Variants in GPRC5A observed in about 807,000 individuals in gnomAD.
The protein encoded by GPRC5A is retinoic acid-induced protein 3.
A neutral mutation model predicts 22.5 loss-of-function variants in GPRC5A; 19 were observed. The observed-to-expected ratio is 0.85, with a 90% CI of 0.59 to 1.24. GPRC5A has a LOEUF of 1.24. Ranked by LOEUF, GPRC5A falls within the 50% of genes most tolerant of loss-of-function variation. GPRC5A has a pLI of 0.00. For synonymous variants in GPRC5A, 192 were observed against 184.5 expected, an observed-to-expected ratio of 1.04 and a Z score of -0.33; for missense variants, 471 against 451.1, an observed-to-expected ratio of 1.04 and a Z score of -0.40.
intron 2 of GPRC5A, chr12:12,909,512 A>G (rs538360059): frequency 4.9e-6 from 1 of 204,834 alleles, no homozygotes; most frequent in African/African-American, 2.3e-5. Context: ...GACATGGAAA[A>G]AGGATAACGA....
intron 1 of GPRC5A, among the ~76,000 whole-genome samples, chr12:12,899,655 A>G (rs1399069764): frequency 6.6e-6 from 1 of 152,222 alleles, no homozygotes; most frequent in Non-Finnish European, 1.5e-5. Flanking sequence ...TACTCAGCAT[A>G]GTGCCTGACT....
At chr12:12,904,439 G>GTGA (rs1232198944) in intron 1 of GPRC5A, among the ~76,000 whole-genome samples, 2 of 151,820 alleles carry the variant, frequency 1.3e-5, no homozygotes. Flanking sequence ...GAGTGTTTAG[G>GTGA]TGACAGACCC....
Position 12,908,914 on chromosome 12 carries a change from C to A in GPRC5A, c.665C>A (p.Ala222Asp), listed in dbSNP as rs768567183. ...HIYLTMLLSIAIWVAWITLLM... is the reference protein window; with the variant it reads ...HIYLTMLLSIDIWVAWITLLM... ...TACCTCACGATGCTCCTCTCCATTGCCATCTGGGTGGCCTGGATCACCCTG... is the reference window on the plus strand; with the variant it reads ...TACCTCACGATGCTCCTCTCCATTGACATCTGGGTGGCCTGGATCACCCTG... Residue 222 changes from alanine (A) to aspartate (D), a missense_variant, in exon 2 of 4, where the codon GCC becomes GAC. Coordinates refer to ENST00000014914, the MANE Select transcript of GPRC5A (RefSeq NM_003979.4). The A allele has an allele frequency of 2.5e-5, 40 of 1,613,972 alleles. No individual in the cohort carries two copies. The highest frequency in any genetic ancestry group is 2.9e-5 in the Non-Finnish European group (34 of 1,179,954).
At chr12:12,901,013 C>T (rs1013092620) in intron 1 of GPRC5A, among the ~76,000 whole-genome samples, 1 of 150,552 alleles carries the variant, frequency 6.6e-6, no homozygotes, top group Non-Finnish European at 1.5e-5. Flanking sequence ...AGGTTTAAGA[C>T]AGCAACAAGT....
Position 12,912,151 on chromosome 12 carries a change from T to C in GPRC5A, c.981+9T>C, listed in dbSNP as rs757438320. ...CACATTTTCAGCTGCAGGTAAGTGA[T>C]TTTTTTCTCCCTCTTCATCAAAGGC... On this transcript the variant is annotated intron_variant, in intron 3 of 3. Transcript: ENST00000014914. The C allele has an allele frequency of 2.8e-5, 45 of 1,593,042 alleles. No homozygotes were observed. Among genetic ancestry groups the C allele is most frequent in the Non-Finnish European group, 3.7e-5 (43 of 1,160,944 alleles).
intron 1 of GPRC5A, among the ~76,000 whole-genome samples, chr12:12,904,014 GAGGGGC>G (rs1405962854): frequency 6.6e-6 from 1 of 152,212 alleles, no homozygotes; most frequent in East Asian, 1.9e-4. Context: ...AATTGGCAGA[GAGGGGC>G]AGGGAGAGGG....
chr12:12,900,908 A>C (rs900279675), intron 1 of GPRC5A, among the ~76,000 whole-genome samples: 30 of 118,332 alleles, frequency 2.5e-4, no homozygotes, highest in African/African-American at 3.7e-4. Flanking sequence ...AAAAAAAAAA[A>C]AAAAACAAAA....
At position 12,911,113 on chromosome 12, in the gene GPRC5A, C is replaced by T. The variant is rs186576043; in HGVS notation, c.923-971C>T. Among the ~76,000 whole-genome samples the T allele has an allele frequency of 4.1e-3, 620 of 152,070 alleles. 2 individuals are homozygous for T. Among genetic ancestry groups the T allele is most frequent in the Middle Eastern group, 6.8e-3 (2 of 292 alleles). ...GTCTCGAACTCCTGACCTCATGATC[C>T]GCCCGCCTAGGCCTTCCAAAGTGCT... On this transcript the variant is annotated intron_variant, in intron 2 of 3. Transcript: ENST00000014914.
At position 12,911,938 on chromosome 12, in the gene GPRC5A, T is replaced by C. The variant is rs977247953; in HGVS notation, c.923-146T>C. The C allele has an allele frequency of 1.1e-5, 7 of 630,642 alleles. No individual in the cohort carries two copies. In the African/African-American group the frequency reaches 1.3e-4, roughly 12 times the overall value. The allele number at this position is 630,642 out of a possible 1,614,324, so 39.1% of individuals were successfully genotyped here. A position where few individuals can be genotyped will look rare whatever the true frequency, so the allele number is the denominator to read the frequency against. ...GTGCCTGGTCCTAGGCTTGAGGACC[T>C]AGTCTCTGTCCCTCCAAGAAACTTA... On this transcript the variant is annotated intron_variant, in intron 2 of 3. Coordinates refer to ENST00000014914, the MANE Select transcript of GPRC5A (RefSeq NM_003979.4).
chr12:12,896,306 TTC>T lies in GPRC5A; in HGVS notation c.-8+4647_-8+4648del, dbSNP rs1360426584. 3.9e-5 allele frequency among the ~76,000 whole-genome samples: 6 copies of T among 152,326 alleles called. No individual in the cohort carries two copies. The South Asian group carries it at 1.2e-3, about 32-fold the overall frequency. ...GCCTGTGGTGCTATGATGACTTATT[TTC>T]TCTCATTATTGCATAGAAACTCAAT... On this transcript the variant is annotated intron_variant, in intron 1 of 3. Coordinates refer to ENST00000014914, the MANE Select transcript of GPRC5A (RefSeq NM_003979.4).
chr12:12,917,251 TGC>T lies in GPRC5A; in HGVS notation c.*4714_*4715del, dbSNP rs1555106074. 0.084 allele frequency: 5,075 copies of T among 60,068 alleles called. 114 individuals are homozygous for T. The highest frequency in any genetic ancestry group is 0.29 in the East Asian group (154 of 526). The allele number at this position is 60,068 out of a possible 1,614,324, so 3.7% of individuals were successfully genotyped here. ...GTGTGTGTGTGTGTGTGTGTGTGTG[TGC>T]GTGCGTGCGTGTATGTGCGCCTGAC... On this transcript the variant is annotated 3_prime_UTR_variant, in exon 4 of 4. Transcript: ENST00000014914.
chr12:12,907,394 C>T (rs1736858578), intron 1 of GPRC5A, among the ~76,000 whole-genome samples: 1 of 44,752 alleles, frequency 2.2e-5, no homozygotes, highest in African/African-American at 7.7e-5. Flanking sequence ...GAGCGAGACT[C>T]TGTCTCAAAA....
intron 2 of GPRC5A, 153 bp downstream of exon 2, chr12:12,909,324 C>T (rs919216600): frequency 1.3e-5 from 8 of 613,522 alleles, no homozygotes; most frequent in Admixed American, 9.7e-5. Context: ...TGCTTAAAGT[C>T]GTCCAGCCTG....
chr12:12,901,914 C>T (rs1315114593), intron 1 of GPRC5A, among the ~76,000 whole-genome samples: 1 of 152,192 alleles, frequency 6.6e-6, no homozygotes, highest in African/African-American at 2.4e-5. Context: ...AATATCCAAA[C>T]CACCGCTAGT....
At chr12:12,903,755 A>G (rs1427008520) in intron 1 of GPRC5A, among the ~76,000 whole-genome samples, 1 of 152,018 alleles carries the variant, frequency 6.6e-6, no homozygotes, top group African/African-American at 2.4e-5. Flanking sequence ...AGGCCCTGAG[A>G]CTCAGCACCC....
At chr12:12,903,273 T>A (rs1863908400) in intron 1 of GPRC5A, among the ~76,000 whole-genome samples, 1 of 152,144 alleles carries the variant, frequency 6.6e-6, no homozygotes, top group African/African-American at 2.4e-5. Flanking sequence ...AAACAAGTTT[T>A]TTTTTAATTT....
At chr12:12,904,312 A>G (rs1489280581) in intron 1 of GPRC5A, among the ~76,000 whole-genome samples, 1 of 152,190 alleles carries the variant, frequency 6.6e-6, no homozygotes. Flanking sequence ...TCTATATCTG[A>G]ACCTCATTTG....
chr12:12,903,024 G>A (rs756683841), intron 1 of GPRC5A, among the ~76,000 whole-genome samples: 1 of 152,122 alleles, frequency 6.6e-6, no homozygotes, highest in East Asian at 1.9e-4. Flanking sequence ...CCGATATCGC[G>A]CCATTGCACT....
intron 1 of GPRC5A, among the ~76,000 whole-genome samples, chr12:12,893,127 T>G (rs1456082413): frequency 6.6e-6 from 1 of 152,148 alleles, no homozygotes; most frequent in Admixed American, 6.5e-5. Context: ...AAGACTGATT[T>G]CTCCTCCCAG....
Sources: allele counts gnomAD v4.1 joint callset (sites outside exome capture counted in the v4.1 genomes callset), GRCh38; gene constraint gnomAD v4.1.1; transcripts MANE v1.5; gene names NCBI Gene and HGNC (gene_info 2026-07-23, HGNC 2026-07-21).